Variants in CNOT4 observed in about 807,000 individuals in gnomAD.
CNOT4 encodes the protein CCR4-NOT transcription complex subunit 4.
In CNOT4, 8 loss-of-function variants were observed where a neutral mutation model predicts 73.8. The ratio of observed to expected loss-of-function variants is 0.11; its 90% CI spans 0.06 to 0.20. CNOT4 has a LOEUF of 0.20. CNOT4 is among the 10% of genes least tolerant of loss of function. CNOT4 has a pLI of 1.00. For missense variants in CNOT4, 564 were observed against 883.4 expected, an observed-to-expected ratio of 0.64 and a Z score of 4.58; for synonymous variants, 293 against 321.1, an observed-to-expected ratio of 0.91 and a Z score of 0.94.
chr7:135,482,408 C>A (rs967224733), intron 1 of CNOT4, among the ~76,000 whole-genome samples: 7 of 151,576 alleles, frequency 4.6e-5, no homozygotes, highest in Non-Finnish European at 2.9e-5. Context: ...AATTAAAAAT[C>A]GGTCAGGTGT....
intron 1 of CNOT4, among the ~76,000 whole-genome samples, chr7:135,485,670 G>T (rs1802671220): frequency 9.0e-5 from 1 of 11,082 alleles, no homozygotes. Flanking sequence ...CCAATAAATG[G>T]TGCGAGAGCA....
At chr7:135,426,042 T>A (rs1798476594) in intron 2 of CNOT4, among the ~76,000 whole-genome samples, 2 of 150,978 alleles carry the variant, frequency 1.3e-5, no homozygotes, top group Admixed American at 6.6e-5. Flanking sequence ...GAGACCCCCA[T>A]CTCTACAAAA....
In CNOT4 at chr7:135,362,239, T is replaced by C. The variant is rs1172025115; in HGVS notation, c.*646A>G. 1.3e-5 allele frequency: 2 copies of C among 153,450 alleles called. No individual in the cohort carries two copies. The highest frequency in any genetic ancestry group is 2.0e-4 in the South Asian group (1 of 4,900). The allele number at this position is 153,450 out of a possible 1,614,324, so 9.5% of individuals were successfully genotyped here. ...TTAAAAAAATTACTTCTCACCTCCT[T>C]ATGAACTCTTTAGCAATCGGCCAGT... On this transcript the variant is annotated 3_prime_UTR_variant, in exon 12 of 12. Transcript: ENST00000541284.
intron 10 of CNOT4, among the ~76,000 whole-genome samples, chr7:135,389,237 T>C (rs1171676140): frequency 3.4e-5 from 5 of 149,162 alleles, no homozygotes; most frequent in East Asian, 2.0e-4. Context: ...TCCTAGTAAA[T>C]GGTAAATATT....
At chr7:135,508,622 TG>T (rs1397708725) in intron 1 of CNOT4, among the ~76,000 whole-genome samples, 1 of 152,204 alleles carries the variant, frequency 6.6e-6, no homozygotes, top group African/African-American at 2.4e-5. Flanking sequence ...GAAGAAAATC[TG>T]ATATTAACTG....
At position 135,373,766 on chromosome 7, in the gene CNOT4, G is replaced by C. The variant is rs577410749; in HGVS notation, c.1628-9700C>G. Among the ~76,000 whole-genome samples the C allele has an allele frequency of 1.2e-3, 189 of 151,918 alleles. 3 individuals are homozygous for C. Among genetic ancestry groups the C allele is most frequent in the Non-Finnish European group, 1.2e-3 (79 of 67,976 alleles). On this transcript the variant is annotated intron_variant, in intron 10 of 11. Coordinates refer to ENST00000541284, the MANE Select transcript of CNOT4 (RefSeq NM_001190850.2). The stretch of plus-strand genomic sequence containing the variant: ...TAATTTTTTTTTTGTATTTTTAGTA[G>C]AGACGGGGTTTCACCTTGTTGACCA...
At chr7:135,453,065 G>A (rs1800278414) in intron 1 of CNOT4, among the ~76,000 whole-genome samples, 2 of 152,254 alleles carry the variant, frequency 1.3e-5, no homozygotes, top group South Asian at 4.1e-4. Flanking sequence ...TTTGAAGTTT[G>A]TAAGGACTTA....
chr7:135,418,230 A>T (rs771907042), intron 3 of CNOT4, among the ~76,000 whole-genome samples: 21 of 152,256 alleles, frequency 1.4e-4, no homozygotes, highest in African/African-American at 5.1e-4. Context: ...TAAACTTTCC[A>T]TATTAACTTG....
chr7:135,502,215 C>T (rs1258479380), intron 1 of CNOT4, among the ~76,000 whole-genome samples: 1 of 152,222 alleles, frequency 6.6e-6, no homozygotes, highest in Non-Finnish European at 1.5e-5. Context: ...TGAACTAAGA[C>T]ATGCTTCCAT....
At chr7:135,467,989 G>A (rs1309048934) in intron 1 of CNOT4, among the ~76,000 whole-genome samples, 1 of 152,236 alleles carries the variant, frequency 6.6e-6, no homozygotes, top group East Asian at 1.9e-4. Context: ...CTCGAGACGG[G>A]CGGCTCACGA....
intron 2 of CNOT4, among the ~76,000 whole-genome samples, chr7:135,433,767 T>C (rs972824523): frequency 2.6e-5 from 4 of 152,198 alleles, no homozygotes; most frequent in African/African-American, 7.2e-5. Context: ...CTGGTTTCCA[T>C]GGGAATCAAT....
chr7:135,365,493 G>A (rs1039297237), intron 10 of CNOT4, among the ~76,000 whole-genome samples: 4 of 115,468 alleles, frequency 3.5e-5, no homozygotes, highest in Admixed American at 2.6e-4. Context: ...AGCCCTGAGA[G>A]GCAGGCAGAC....
chr7:135,392,792 G>C (rs371017950), intron 10 of CNOT4, among the ~76,000 whole-genome samples: 5 of 152,040 alleles, frequency 3.3e-5, no homozygotes, highest in Non-Finnish European at 5.9e-5. Flanking sequence ...CTAGCTACTC[G>C]TCTAAAACAT....
At chr7:135,444,120 G>A (rs1399988421) in intron 1 of CNOT4, among the ~76,000 whole-genome samples, 1 of 151,534 alleles carries the variant, frequency 6.6e-6, no homozygotes, top group Non-Finnish European at 1.5e-5. Context: ...CAGCCTGGGG[G>A]AGACAGTGAA....
intron 8 of CNOT4, among the ~76,000 whole-genome samples, chr7:135,396,421 C>A (rs1242458616): frequency 6.6e-6 from 1 of 151,712 alleles, no homozygotes; most frequent in Admixed American, 6.6e-5. Flanking sequence ...CCGGCCATCT[C>A]CTCTCTTTTT....
At chr7:135,469,015 T>A (rs1355437815) in intron 1 of CNOT4, among the ~76,000 whole-genome samples, 1 of 152,080 alleles carries the variant, frequency 6.6e-6, no homozygotes, top group African/African-American at 2.4e-5. Context: ...AGGAAAGAAA[T>A]CAGGGGTGTA....
Position 135,448,792 on chromosome 7 carries a change from G to A in CNOT4, c.-92-10369C>T, listed in dbSNP as rs180833188. 2.0e-5 allele frequency among the ~76,000 whole-genome samples: 3 copies of A among 152,210 alleles called. No individual in the cohort carries two copies. The East Asian group carries it at 5.8e-4, about 29-fold the overall frequency. On this transcript the variant is annotated intron_variant, in intron 1 of 11. Transcript: ENST00000541284. The stretch of plus-strand genomic sequence containing the variant: ...TAAAAAGAACCAAATGGAAATTCTG[G>A]AGTTGAACACTGACTAGAAAAAATC...
intron 1 of CNOT4, chr7:135,444,671 T>C: frequency 8.6e-7 from 1 of 1,166,676 alleles, no homozygotes; most frequent in East Asian, 2.3e-5. Flanking sequence ...AGGTTTTCAG[T>C]GTTTTGCTCC....
At chr7:135,499,131 C>T (rs909451859) in intron 1 of CNOT4, among the ~76,000 whole-genome samples, 17 of 152,116 alleles carry the variant, frequency 1.1e-4, no homozygotes, top group African/African-American at 3.6e-4. Context: ...ATTTTCTTCT[C>T]TTTCCAGTTT....
Sources: allele counts gnomAD v4.1 joint callset (sites outside exome capture counted in the v4.1 genomes callset), GRCh38; gene constraint gnomAD v4.1.1; transcripts MANE v1.5; gene names NCBI Gene and HGNC (gene_info 2026-07-23, HGNC 2026-07-21).